The following ANK2 variants were observed in gnomAD, a reference collection of about 807,000 sequenced individuals.
ANK2 encodes the protein ankyrin-2.
Under a neutral mutation model 360.5 loss-of-function variants are expected in ANK2, and 83 were observed. The ratio of observed to expected loss-of-function variants is 0.23; its 90% CI spans 0.19 to 0.28. The LOEUF is 0.28. ANK2 is among the 10% of genes least tolerant of loss of function. ANK2 has a pLI of 1.00. For missense variants in ANK2, 4,201 were observed against 4,795.7 expected (o/e 0.88, Z 3.66); for synonymous variants, 1,740 against 1,759.5 (o/e 0.99, Z 0.28).
the ANK2 span, among the ~76,000 whole-genome samples, chr4:112,761,054 G>A: frequency 9.9e-5 from 15 of 151,774 alleles, no homozygotes; most frequent in Admixed American, 9.2e-4. Flanking sequence ...TGATCCGCCC[G>A]CCTCGGCCTC....
chr4:113,021,541 C>CACACACACACACACACATATATAT lies in ANK2; in HGVS notation c.21+117028_21+117029insCACACACACACACACATATATATA, dbSNP rs1489947974. ...ATACACACACACACCCACACACAAA[C>CACACACACACACACACATATATAT]ATATATATATATATATATATATATA... On this transcript the variant is annotated intron_variant, in intron 2 of 30. Transcript: ENST00000503271. Among the ~76,000 whole-genome samples the CACACACACACACACACATATATAT allele has an allele frequency of 1.9e-3, 179 of 95,626 alleles. 6 individuals are homozygous for CACACACACACACACACATATATAT. The highest frequency in any genetic ancestry group is 3.2e-3 in the Non-Finnish European group (142 of 44,128). The allele number at this position is 95,626 out of a possible 152,430, so 62.7% of individuals were successfully genotyped here.
chr4:112,937,761 T>C (rs1205859154), intron 2 of ANK2, among the ~76,000 whole-genome samples: 1 of 152,232 alleles, frequency 6.6e-6, no homozygotes, highest in Non-Finnish European at 1.5e-5. Flanking sequence ...GAAGGTCTAT[T>C]GGCTATGATG....
chr4:112,828,909 T>C (rs1017763441), intron 1 of ANK2, among the ~76,000 whole-genome samples: 1 of 152,194 alleles, frequency 6.6e-6, no homozygotes, highest in African/African-American at 2.4e-5. Flanking sequence ...ATTCTAGCTC[T>C]TTGGGAGATG....
At chr4:112,750,129 T>C in the ANK2 span, among the ~76,000 whole-genome samples, 5 of 152,018 alleles carry the variant, frequency 3.3e-5, no homozygotes, top group Admixed American at 6.6e-5. Flanking sequence ...CTGGCATGCA[T>C]TGGTGCAATC....
At chr4:113,336,163 G>A (rs1329906558) in intron 30 of ANK2, 106 bp downstream of exon 30, 1 of 1,182,084 alleles carries the variant, frequency 8.5e-7, no homozygotes. Context: ...ACACCAAAAA[G>A]GAAGGTAGCA....
intron 1 of ANK2, among the ~76,000 whole-genome samples, chr4:113,134,023 C>G (rs1423803486): frequency 3.9e-5 from 6 of 152,054 alleles, no homozygotes; most frequent in Admixed American, 3.9e-4. Context: ...AGCAAGGTCC[C>G]TAATAATAAG....
chr4:113,282,821 T>A lies in ANK2; in HGVS notation c.2028T>A (p.Asp676Glu), dbSNP rs748195396. 5.6e-6 allele frequency: 9 copies of A among 1,613,974 alleles called. No homozygotes were observed. The South Asian group carries it at 9.9e-5, about 18-fold the overall frequency. ...LHLASQEGHT[D>E]MVTLLLDKGA... ...TGGCCTCGCAGGAGGGGCACACAGA[T>A]ATGGTTACCTTGCTTCTGGATAAGG... Residue 676 changes from aspartate (D) to glutamate (E), a missense_variant, in exon 18 of 46, where the codon GAT (aspartate) becomes GAA (glutamate). Around this residue, in one of 4 missense-constraint regions of ANK2, gnomAD observed 1,268 missense variants for 1,650.8 expected, o/e 0.77. Transcript: ENST00000357077.
At chr4:113,286,297 G>A (rs2153725617) in intron 18 of ANK2, among the ~76,000 whole-genome samples, 1 of 152,250 alleles carries the variant, frequency 6.6e-6, no homozygotes, top group South Asian at 2.1e-4. Context: ...TAGAAGTGAA[G>A]AAAATTTTAA....
chr4:113,004,026 C>T (rs1305621217), intron 2 of ANK2, among the ~76,000 whole-genome samples: 1 of 152,128 alleles, frequency 6.6e-6, no homozygotes, highest in Non-Finnish European at 1.5e-5. Flanking sequence ...GGGCACTAAC[C>T]ATGAATGGAG....
intron 23 of ANK2, among the ~76,000 whole-genome samples, chr4:113,304,164 T>C (rs912677520): frequency 6.6e-6 from 1 of 152,238 alleles, no homozygotes; most frequent in Non-Finnish European, 1.5e-5. Context: ...CATTCCTATA[T>C]GCATATCATA....
chr4:113,030,819 T>A (rs1441185999), intron 2 of ANK2, among the ~76,000 whole-genome samples: 1 of 152,072 alleles, frequency 6.6e-6, no homozygotes, highest in Non-Finnish European at 1.5e-5. Context: ...GAGTACAGGT[T>A]TAAAACATTT....
intron 2 of ANK2, among the ~76,000 whole-genome samples, chr4:113,184,458 C>T (rs2098475905): frequency 6.6e-6 from 1 of 151,990 alleles, no homozygotes; most frequent in South Asian, 2.1e-4. Context: ...GGAGTCCCAT[C>T]TTGATTTTTG....
At chr4:113,372,403 C>G in intron 43 of ANK2, 1 of 601,704 alleles carries the variant, frequency 1.7e-6, no homozygotes, top group Non-Finnish European at 2.9e-6. Context: ...TTGTTTTCAC[C>G]TCTACCAACT....
At chr4:113,147,235 C>T (rs1292804532) in intron 1 of ANK2, among the ~76,000 whole-genome samples, 1 of 152,150 alleles carries the variant, frequency 6.6e-6, no homozygotes, top group Non-Finnish European at 1.5e-5. Flanking sequence ...TTAACAACCG[C>T]ACAGGCGAGG....
At chr4:112,733,953 T>C in the ANK2 span, among the ~76,000 whole-genome samples, 1 of 152,308 alleles carries the variant, frequency 6.6e-6, no homozygotes, top group Admixed American at 6.5e-5. Context: ...TTTTGTATTT[T>C]TAGTAGAGAC....
At chr4:112,922,254 C>T (rs1351610204) in intron 2 of ANK2, among the ~76,000 whole-genome samples, 1 of 152,180 alleles carries the variant, frequency 6.6e-6, no homozygotes, top group Non-Finnish European at 1.5e-5. Context: ...TTTCCTCACA[C>T]TAACCTCTCT....
intron 2 of ANK2, among the ~76,000 whole-genome samples, chr4:113,015,479 ATCT>A (rs1224596510): frequency 1.3e-5 from 2 of 152,216 alleles, no homozygotes; most frequent in African/African-American, 4.8e-5. Flanking sequence ...TGCCTACTGA[ATCT>A]TCAATTGTTG....
intron 2 of ANK2, among the ~76,000 whole-genome samples, chr4:113,177,653 T>C (rs1306753830): frequency 6.6e-6 from 1 of 152,240 alleles, no homozygotes; most frequent in Admixed American, 6.5e-5. Context: ...AATACTCAAT[T>C]CTTATCATAT....
At chr4:112,970,587 C>T (rs1055238806) in intron 2 of ANK2, among the ~76,000 whole-genome samples, 4 of 152,132 alleles carry the variant, frequency 2.6e-5, no homozygotes. Context: ...AGCTCCTGAC[C>T]TTGTAATCTG....
Sources: gnomAD v4.1 joint callset for allele counts (sites outside exome capture counted in the v4.1 genomes callset) on GRCh38, gnomAD v4.1.1 for gene constraint, gnomAD v4.1.1 regional missense constraint, MANE v1.5 for transcripts, NCBI Gene and HGNC (gene_info 2026-07-23, HGNC 2026-07-21) for gene names.